The following SLC22A3 variants were observed in gnomAD, a reference collection of about 807,000 sequenced individuals.
SLC22A3 encodes the protein EMT organic cation transporter 3.
SLC22A3 carries 51 observed loss-of-function variants against 59.1 expected under a neutral mutation model. That is an observed-to-expected ratio of 0.86 (90% confidence interval 0.69 to 1.09). SLC22A3 has a LOEUF of 1.09. Ranked by LOEUF, SLC22A3 falls within the 50% of genes least tolerant of loss-of-function variation. The pLI is 0.00. For missense variants in SLC22A3, 711 were observed against 726.3 expected, an observed-to-expected ratio of 0.98 and a Z score of 0.24; for synonymous variants, 325 against 292.0, an observed-to-expected ratio of 1.11 and a Z score of -1.15.
intron 1 of SLC22A3, among the ~76,000 whole-genome samples, chr6:160,380,927 A>G (rs1024916894): frequency 2.6e-5 from 4 of 152,234 alleles, no homozygotes; most frequent in Non-Finnish European, 5.9e-5. Flanking sequence ...ACTGAACCAG[A>G]TATCTGCTAA....
intron 5 of SLC22A3, among the ~76,000 whole-genome samples, chr6:160,411,459 CG>C (rs1787245454): frequency 6.6e-6 from 1 of 151,992 alleles, no homozygotes; most frequent in African/African-American, 2.4e-5. Context: ...AGGGGAGGGC[CG>C]GGTGTAATGG....
intron 5 of SLC22A3, among the ~76,000 whole-genome samples, chr6:160,417,984 A>G (rs574871436): frequency 9.8e-5 from 15 of 152,356 alleles, no homozygotes; most frequent in East Asian, 1.9e-4. Context: ...TGCTGCTAAG[A>G]TCGATGGCTC....
intron 1 of SLC22A3, among the ~76,000 whole-genome samples, chr6:160,376,624 C>T (rs1003799846): frequency 6.6e-6 from 1 of 152,114 alleles, no homozygotes; most frequent in East Asian, 1.9e-4. Context: ...CACCTGAACA[C>T]CTGGATGTGT....
Position 160,437,040 on chromosome 6 carries a change from G to C in SLC22A3, c.1117G>C (p.Gly373Arg), listed in dbSNP as rs1788364444. 3 of 1,614,152 alleles carry C rather than the reference G, an allele frequency of 1.9e-6. No homozygotes were observed. The East Asian group carries it at 6.7e-5, about 36-fold the overall frequency. The change falls in exon 7 of 11, where the codon GGA becomes CGA. Residue 373 changes from glycine to arginine, a missense_variant. Physicochemically the swap from Gly to Arg is moderately radical, Grantham distance 125. Transcript: ENST00000275300. ...VVYQGLVMRL[G>R]IIGGNLYIDF... ...GTATCAAGGACTTGTCATGCGCCTG[G>C]GAATTATAGGGGGCAACCTCTATAT... is the stretch of plus-strand genomic sequence containing the variant.
At chr6:160,421,847 G>A (rs1347920505) in intron 5 of SLC22A3, among the ~76,000 whole-genome samples, 5 of 152,184 alleles carry the variant, frequency 3.3e-5, no homozygotes, top group African/African-American at 1.2e-4. Flanking sequence ...ATCAGTGTGA[G>A]GGAAGAGGCT....
intron 10 of SLC22A3, among the ~76,000 whole-genome samples, chr6:160,448,538 G>T (rs2114933046): frequency 6.6e-6 from 1 of 152,204 alleles, no homozygotes; most frequent in East Asian, 1.9e-4. Context: ...GATAATAGAT[G>T]ATAGATAATA....
chr6:160,349,894 A>T (rs1334416679), intron 1 of SLC22A3, among the ~76,000 whole-genome samples: 1 of 152,200 alleles, frequency 6.6e-6, no homozygotes, highest in Non-Finnish European at 1.5e-5. Flanking sequence ...TTTTTGTGAT[A>T]AACTTTAAAA....
chr6:160,428,794 T>C (rs1788052280), intron 5 of SLC22A3, among the ~76,000 whole-genome samples: 1 of 152,222 alleles, frequency 6.6e-6, no homozygotes, highest in South Asian at 2.1e-4. Context: ...TATTTCCCCA[T>C]CGTATATGCT....
rs1405267022 is a variant in SLC22A3 at position 160,452,174 on chromosome 6, T to C, written c.*1118T>C. ...TGGAACTTGTGTGTTCTGCTTTATATGTTATATTCAATATCTTTTCAGATG... is the reference window on the plus strand; with the variant it reads ...TGGAACTTGTGTGTTCTGCTTTATACGTTATATTCAATATCTTTTCAGATG... On this transcript the variant is annotated 3_prime_UTR_variant, in exon 11 of 11. Transcript: ENST00000275300. The C allele has an allele frequency of 6.6e-6, 1 of 152,238 alleles. No homozygotes were observed. The highest frequency in any genetic ancestry group is 1.9e-4 in the East Asian group (1 of 5,196). 9.4% of individuals were successfully genotyped at this position (152,238 alleles called of 1,614,324 possible).
intron 2 of SLC22A3, among the ~76,000 whole-genome samples, chr6:160,404,714 A>T (rs902692636): frequency 3.9e-5 from 6 of 152,158 alleles, no homozygotes; most frequent in Non-Finnish European, 4.4e-5. Context: ...GACAGTAATC[A>T]CGACAGTGTG....
At chr6:160,424,419 C>A (rs181677865) in intron 5 of SLC22A3, among the ~76,000 whole-genome samples, 54 of 152,118 alleles carry the variant, frequency 3.5e-4, no homozygotes, top group African/African-American at 1.2e-3. Flanking sequence ...TGTGGGCAAT[C>A]TTTAAATTTT....
intron 1 of SLC22A3, among the ~76,000 whole-genome samples, chr6:160,384,074 C>G (rs1420912354): frequency 6.6e-6 from 1 of 152,146 alleles, no homozygotes; most frequent in East Asian, 1.9e-4. Context: ...GGATTACAGG[C>G]GCACACCACC....
Position 160,408,799 on chromosome 6 carries a change from G to T in SLC22A3, c.735G>T (p.Val245=), listed in dbSNP as rs1339303150. 3 of 1,613,590 alleles carry T rather than the reference G, an allele frequency of 1.9e-6. No individual in the cohort carries two copies. Among genetic ancestry groups the T allele is most frequent in the Non-Finnish European group, 2.5e-6 (3 of 1,179,810 alleles). The change falls in exon 4 of 11, where the codon GTG becomes GTT. Residue 245 remains valine, a synonymous_variant. Coordinates refer to ENST00000275300, the MANE Select transcript of SLC22A3 (RefSeq NM_021977.4). ...AACAAAGGAGGATTGTGGGAATCGT[G>T]ATTCAAATGTTCTTTACCCTTGGAA... ...GSKQRRIVGI[V]IQMFFTLGII...
chr6:160,426,727 A>G lies in SLC22A3; in HGVS notation c.976-10053A>G, dbSNP rs188738539. 1.1e-3 allele frequency among the ~76,000 whole-genome samples: 160 copies of G among 152,200 alleles called. 1 individual carries two copies. The highest frequency in any genetic ancestry group is 1.7e-3 in the Non-Finnish European group (117 of 68,010). On this transcript the variant is annotated intron_variant, in intron 5 of 10. Transcript: ENST00000275300. The stretch of plus-strand genomic sequence containing the variant: ...TGTGTCTCTGGTCTCCATCTTCCTA[A>G]TGATGGGCACCTGGGTTGCCTTCAG...
chr6:160,358,978 T>C (rs1409254070), intron 1 of SLC22A3, among the ~76,000 whole-genome samples: 1 of 152,180 alleles, frequency 6.6e-6, no homozygotes, highest in Admixed American at 6.5e-5. Context: ...GCATGTTTTC[T>C]CATGAGCCTG....
chr6:160,407,712 G>A (rs1036319898), intron 3 of SLC22A3, among the ~76,000 whole-genome samples: 1 of 152,128 alleles, frequency 6.6e-6, no homozygotes, highest in Non-Finnish European at 1.5e-5. Flanking sequence ...TAGCCAGAAA[G>A]TTTGACCTTC....
At chr6:160,398,691 A>T (rs531469301) in intron 2 of SLC22A3, among the ~76,000 whole-genome samples, 1 of 152,328 alleles carries the variant, frequency 6.6e-6, no homozygotes, top group Admixed American at 6.5e-5. Flanking sequence ...CTTCCTTAAG[A>T]TTATTGATGC....
chr6:160,408,122 T>C (rs1186022274), intron 3 of SLC22A3, among the ~76,000 whole-genome samples: 1 of 152,108 alleles, frequency 6.6e-6, no homozygotes, highest in Non-Finnish European at 1.5e-5. Flanking sequence ...AACAATAAAG[T>C]AGCCTATCCC....
intron 9 of SLC22A3, among the ~76,000 whole-genome samples, chr6:160,446,683 T>C (rs1562505772): frequency 6.6e-6 from 1 of 152,130 alleles, no homozygotes; most frequent in East Asian, 1.9e-4. Flanking sequence ...AGCCAAACCA[T>C]ATCAGCTACA....
Sources: gnomAD v4.1 joint callset for allele counts (sites outside exome capture counted in the v4.1 genomes callset) on GRCh38, gnomAD v4.1.1 for gene constraint, MANE v1.5 for transcripts, NCBI Gene and HGNC (gene_info 2026-07-23, HGNC 2026-07-21) for gene names.